TNFSF4: variants seen among roughly 807,000 people sequenced by gnomAD.
TNFSF4 encodes the protein tumor necrosis factor ligand superfamily member 4.
TNFSF4 carries 4 observed loss-of-function variants against 7.3 expected under a neutral mutation model. The observed-to-expected ratio is 0.55, with a 90% CI of 0.27 to 1.25. The LOEUF (loss-of-function observed/expected upper bound fraction) is 1.25, where lower values mean the gene tolerates loss of function less well. Ranked by LOEUF, TNFSF4 falls within the 50% of genes most tolerant of loss-of-function variation. The pLI is 0.12. For missense variants in TNFSF4, 181 were observed against 208.8 expected, an observed-to-expected ratio of 0.87 and a Z score of 0.82; for synonymous variants, 76 against 83.7, an observed-to-expected ratio of 0.91 and a Z score of 0.50.
At chr1:173,211,384 T>C (rs1313207579), upstream of TNFSF4, among the ~76,000 whole-genome samples, 1 of 152,212 alleles carries the variant, frequency 6.6e-6, no homozygotes, top group Admixed American at 6.5e-5. Flanking sequence ...CAACTTTGAA[T>C]CATCCTCGTT....
At chr1:173,331,448 T>A in the TNFSF4 span, among the ~76,000 whole-genome samples, 1 of 133,892 alleles carries the variant, frequency 7.5e-6, no homozygotes, top group South Asian at 2.7e-4. Context: ...TTGGAAACCT[T>A]AGTAGTCAAA....
At chr1:173,220,725 G>T in the TNFSF4 span, among the ~76,000 whole-genome samples, 1 of 152,074 alleles carries the variant, frequency 6.6e-6, no homozygotes, top group African/African-American at 2.4e-5. Flanking sequence ...CTGGACGAAG[G>T]CCCTCACCAG....
the TNFSF4 span, among the ~76,000 whole-genome samples, chr1:173,407,559 C>T: frequency 2.8e-5 from 2 of 72,066 alleles, no homozygotes; most frequent in Non-Finnish European, 5.0e-5. Context: ...GACTCTGCCT[C>T]AAAAAAAAAA....
At chr1:173,183,383 TTTA>T (rs1426323762), downstream of TNFSF4, among the ~76,000 whole-genome samples, 1 of 152,158 alleles carries the variant, frequency 6.6e-6, no homozygotes, top group African/African-American at 2.4e-5. Flanking sequence ...GTTGTGACCT[TTTA>T]TTGAGACAGC....
the TNFSF4 span, among the ~76,000 whole-genome samples, chr1:173,243,065 A>G: frequency 7.2e-6 from 1 of 138,020 alleles, no homozygotes; most frequent in Non-Finnish European, 1.5e-5. Flanking sequence ...ATTAATCATG[A>G]GGTCAACTTT....
chr1:173,407,955 G>C, the TNFSF4 span, among the ~76,000 whole-genome samples: 13 of 152,178 alleles, frequency 8.5e-5, no homozygotes, highest in Non-Finnish European at 1.5e-4. Flanking sequence ...TGCCCTTATA[G>C]AAGAGGCTCA....
chr1:173,243,038 C>T, the TNFSF4 span, among the ~76,000 whole-genome samples: 1 of 116,256 alleles, frequency 8.6e-6, no homozygotes, highest in African/African-American at 3.4e-5. Flanking sequence ...ATAAACCAAG[C>T]TTGTGGCACA....
chr1:173,222,330 CA>C, the TNFSF4 span, among the ~76,000 whole-genome samples: 1 of 152,046 alleles, frequency 6.6e-6, no homozygotes, highest in Non-Finnish European at 1.5e-5. Flanking sequence ...AAAACTTCAC[CA>C]AAACGGTCTG....
rs192564628 is a variant in TNFSF4 at position 173,200,435 on chromosome 1, C to T, written c.153+6589G>A. ...AATACCATTCAACCTCCCTGCTACC[C>T]GTCCATTCTAAAAAACGGTTTGAGT... On this transcript the variant is annotated intron_variant, in intron 1 of 2. Transcript: ENST00000281834. Among the ~76,000 whole-genome samples, 61 of 152,274 alleles carry T rather than the reference C, an allele frequency of 4.0e-4. No individual in the cohort carries two copies. In the East Asian group the frequency reaches 0.01, roughly 25 times the overall value.
chr1:173,348,842 G>A, the TNFSF4 span, among the ~76,000 whole-genome samples: 1 of 152,190 alleles, frequency 6.6e-6, no homozygotes, highest in Non-Finnish European at 1.5e-5. Context: ...GACATATACA[G>A]TGAGTGATAA....
intron 1 of TNFSF4, among the ~76,000 whole-genome samples, chr1:173,194,463 A>G (rs1269302242): frequency 1.3e-5 from 2 of 152,222 alleles, no homozygotes; most frequent in African/African-American, 4.8e-5. Context: ...GTAGGCTTTG[A>G]CAGCACAAGG....
the TNFSF4 span, among the ~76,000 whole-genome samples, chr1:173,430,773 G>A: frequency 4.6e-5 from 7 of 152,168 alleles, no homozygotes; most frequent in Non-Finnish European, 8.8e-5. Context: ...ATATATAGCA[G>A]ATGTAACTCA....
chr1:173,236,582 T>C, the TNFSF4 span, among the ~76,000 whole-genome samples: 1 of 152,080 alleles, frequency 6.6e-6, no homozygotes, highest in Admixed American at 6.6e-5. Flanking sequence ...ATGGAATCAA[T>C]CTAGGTCTCC....
chr1:173,432,976 T>C, the TNFSF4 span, among the ~76,000 whole-genome samples: 4 of 152,214 alleles, frequency 2.6e-5, no homozygotes, highest in African/African-American at 9.6e-5. Context: ...TGTGAAAATA[T>C]GTATGTATGT....
the TNFSF4 span, among the ~76,000 whole-genome samples, chr1:173,281,160 C>T: frequency 1.3e-5 from 2 of 151,754 alleles, no homozygotes; most frequent in African/African-American, 2.4e-5. Flanking sequence ...TTGTGGGAGG[C>T]ACGTCTCACA....
the TNFSF4 span, among the ~76,000 whole-genome samples, chr1:173,404,356 G>A: frequency 1.3e-3 from 200 of 152,312 alleles, no homozygotes; most frequent in Non-Finnish European, 2.1e-3. Flanking sequence ...ATTACCCACA[G>A]GGAGTAACTC....
chr1:173,216,959 T>C, the TNFSF4 span, among the ~76,000 whole-genome samples: 2 of 152,130 alleles, frequency 1.3e-5, no homozygotes, highest in Non-Finnish European at 2.9e-5. Context: ...TTCTGCTTCA[T>C]CACTGACCCA....
At chr1:173,231,071 G>A in the TNFSF4 span, among the ~76,000 whole-genome samples, 1 of 152,170 alleles carries the variant, frequency 6.6e-6, no homozygotes, top group Non-Finnish European at 1.5e-5. Flanking sequence ...TAGAAAAAGA[G>A]GGAATCCTCC....
chr1:173,297,283 G>T, the TNFSF4 span, among the ~76,000 whole-genome samples: 1 of 151,824 alleles, frequency 6.6e-6, no homozygotes, highest in Non-Finnish European at 1.5e-5. Context: ...AGAAATCTTG[G>T]GGGGCAAGAA....
Sources: gnomAD v4.1 joint callset for allele counts (sites outside exome capture counted in the v4.1 genomes callset) on GRCh38, gnomAD v4.1.1 for gene constraint, MANE v1.5 for transcripts, NCBI Gene and HGNC (gene_info 2026-07-23, HGNC 2026-07-21) for gene names.